SESN1: variants seen among roughly 807,000 people sequenced by gnomAD.
SESN1 encodes the protein sestrin-1.
A neutral mutation model predicts 59.3 loss-of-function variants in SESN1; 30 were observed. The observed-to-expected ratio is 0.51, with a 90% CI of 0.38 to 0.69. SESN1 has a LOEUF of 0.69. SESN1 is among the 30% of genes least tolerant of loss of function. SESN1 has a pLI of 0.00. For synonymous variants in SESN1, 197 were observed against 219.9 expected (o/e 0.90, Z 0.92); for missense variants, 566 against 673.0 (o/e 0.84, Z 1.76).
At chr6:109,087,156 A>G (rs1781226634) in intron 1 of SESN1, among the ~76,000 whole-genome samples, 1 of 152,048 alleles carries the variant, frequency 6.6e-6, no homozygotes, top group Non-Finnish European at 1.5e-5. Flanking sequence ...ACAAAAATAA[A>G]TAAAATAAAA....
At chr6:108,998,923 T>C in intron 4 of SESN1, 168 bp from the exon 5 acceptor site, 1 of 610,978 alleles carries the variant, frequency 1.6e-6, no homozygotes, top group South Asian at 2.5e-5. Context: ...TTTATGAATA[T>C]GCATTCACAA....
chr6:109,054,502 C>T (rs952857991), intron 1 of SESN1, among the ~76,000 whole-genome samples: 25 of 152,048 alleles, frequency 1.6e-4, no homozygotes, highest in Non-Finnish European at 3.4e-4. Context: ...AATTATGTTA[C>T]ACCAATTTAC....
rs1779148314 is a variant in SESN1, at chr6:108,985,097, TTC to T, written c.*2445_*2446del. ...ACATATACAAATATGCTAGTAACAT[TTC>T]TGATTCATGTATGATATTCACATAT... On this transcript the variant is annotated 3_prime_UTR_variant, in exon 10 of 10. Transcript: ENST00000436639. Among the ~76,000 whole-genome samples the T allele has an allele frequency of 6.6e-6, 1 of 152,202 alleles. No homozygotes were observed. The highest frequency in any genetic ancestry group is 1.5e-5 in the Non-Finnish European group (1 of 68,040).
intron 1 of SESN1, chr6:109,087,954 G>C (rs1008939930): frequency 6.6e-6 from 1 of 152,066 alleles, no homozygotes; most frequent in African/African-American, 2.4e-5. Context: ...TCAAGTGATG[G>C]GGGGGCAGGG....
At chr6:109,033,550 C>A (rs1780212947) in intron 1 of SESN1, among the ~76,000 whole-genome samples, 2 of 152,138 alleles carry the variant, frequency 1.3e-5, no homozygotes, top group South Asian at 4.1e-4. Context: ...ATCTTCAGAG[C>A]TTAAGGTAGC....
At chr6:109,032,617 C>T (rs184856485) in intron 1 of SESN1, among the ~76,000 whole-genome samples, 3,394 of 139,104 alleles carry the variant, frequency 0.024, 115 homozygotes, top group African/African-American at 0.1. Flanking sequence ...GACTTCATCT[C>T]GTGGGGGGAG....
chr6:109,072,832 A>ATTTC (rs914922701), intron 1 of SESN1, among the ~76,000 whole-genome samples: 16 of 152,218 alleles, frequency 1.1e-4, no homozygotes, highest in African/African-American at 3.9e-4. Flanking sequence ...GTGACTTGAA[A>ATTTC]GAGAGCTAAG....
chr6:109,089,706 A>G (rs1208270750), intron 1 of SESN1, among the ~76,000 whole-genome samples: 3 of 152,240 alleles, frequency 2.0e-5, no homozygotes, highest in South Asian at 2.1e-4. Context: ...CAAAAACTTT[A>G]GAGCCATGCT....
intron 1 of SESN1, chr6:109,008,837 CTT>C: frequency 1.0e-6 from 1 of 985,638 alleles, no homozygotes; most frequent in Non-Finnish European, 1.2e-6. Flanking sequence ...GCAGGACACA[CTT>C]ATTCCAGGCA....
rs1038609356 is a variant in SESN1, at chr6:109,009,578, A to C, written c.280-7235T>G. ...GGCGGGGGGGCGGGGCGGCGCCGAC[A>C]AACAAGCCGCGCGGCCCCGCCCCGC... On this transcript the variant is annotated intron_variant, in intron 1 of 9. Coordinates refer to ENST00000436639, the MANE Select transcript of SESN1 (RefSeq NM_014454.3). 8.2e-6 allele frequency: 9 copies of C among 1,091,622 alleles called. No individual in the cohort carries two copies. The African/African-American group carries it at 1.3e-4, about 16-fold the overall frequency. The allele number at this position is 1,091,622 out of a possible 1,614,324, so 67.6% of individuals were successfully genotyped here. A position where few individuals can be genotyped will look rare whatever the true frequency, so the allele number is the denominator to read the frequency against.
In SESN1 at chr6:108,986,908, A is replaced by T. The variant is rs1019231632; in HGVS notation, c.*636T>A. 2 of 152,484 alleles carry T rather than the reference A, an allele frequency of 1.3e-5. No individual in the cohort carries two copies. Among genetic ancestry groups the T allele is most frequent in the Non-Finnish European group, 2.9e-5 (2 of 68,042 alleles). The allele number at this position is 152,484 out of a possible 1,614,324, so 9.4% of individuals were successfully genotyped here. ...TTTTAATTTAATATCCAGAACCCTG[A>T]ATTTAAAAAACTAATGAAAGAAATT... On this transcript the variant is annotated 3_prime_UTR_variant, in exon 10 of 10. Transcript: ENST00000436639.
intron 1 of SESN1, chr6:109,088,232 TC>T (rs1781248739): frequency 1.3e-5 from 2 of 151,942 alleles, no homozygotes. Context: ...AATGGAGACA[TC>T]ATTTGCTATG....
At chr6:109,001,260 AAC>A (rs751936163) in intron 3 of SESN1, 26 bp downstream of exon 3, 8 of 1,598,754 alleles carry the variant, frequency 5.0e-6, no homozygotes, top group African/African-American at 2.7e-5. Context: ...AATAGGCAAA[AAC>A]AATTTTTCAC....
chr6:109,075,007 G>A (rs1781008485), intron 1 of SESN1, among the ~76,000 whole-genome samples: 1 of 152,208 alleles, frequency 6.6e-6, no homozygotes, highest in South Asian at 2.1e-4. Context: ...GGCATGGTGA[G>A]CCCCACCTAG....
intron 1 of SESN1, among the ~76,000 whole-genome samples, chr6:109,026,054 A>G (rs1212485913): frequency 6.6e-6 from 1 of 152,150 alleles, no homozygotes; most frequent in Non-Finnish European, 1.5e-5. Flanking sequence ...AAGAGATCTT[A>G]AAGTCCATGA....
At chr6:109,085,815 C>T (rs964461709) in intron 1 of SESN1, among the ~76,000 whole-genome samples, 1 of 152,110 alleles carries the variant, frequency 6.6e-6, no homozygotes, top group African/African-American at 2.4e-5. Context: ...GGTGGCAAAG[C>T]TTGCTTGGTG....
chr6:109,030,006 C>A (rs1378423868), intron 1 of SESN1, among the ~76,000 whole-genome samples: 2 of 152,156 alleles, frequency 1.3e-5, no homozygotes, highest in Non-Finnish European at 2.9e-5. Context: ...GTACCCAACC[C>A]TCAAAATGTT....
At chr6:108,996,739 T>A (rs1002789780) in intron 5 of SESN1, among the ~76,000 whole-genome samples, 9 of 152,176 alleles carry the variant, frequency 5.9e-5, no homozygotes, top group Non-Finnish European at 1.2e-4. Flanking sequence ...GGTATGTCTT[T>A]ATTAGCAGCA....
chr6:108,997,648 T>C lies in SESN1; in HGVS notation c.972+865A>G, dbSNP rs1562454768. On this transcript the variant is annotated intron_variant, in intron 5 of 9. Transcript: ENST00000436639. ...TACTTTTATTTAGATACAAAAGAAC[T>C]GAGATTCAGTAACTTGCCCGAAGTC... Among the ~76,000 whole-genome samples, 3 of 152,208 alleles carry C rather than the reference T, an allele frequency of 2.0e-5. No homozygotes were observed. In the South Asian group the frequency reaches 6.2e-4, roughly 31 times the overall value.
Sources: allele counts gnomAD v4.1 joint callset (sites outside exome capture counted in the v4.1 genomes callset), GRCh38; gene constraint gnomAD v4.1.1; transcripts MANE v1.5; gene names NCBI Gene and HGNC (gene_info 2026-07-23, HGNC 2026-07-21).